Variants in GRID2 observed in about 807,000 individuals in gnomAD.
The protein encoded by GRID2 is glutamate receptor ionotropic, delta-2.
A neutral mutation model predicts 114.8 loss-of-function variants in GRID2; 33 were observed. The observed-to-expected ratio is 0.29, with a 90% CI of 0.22 to 0.38. GRID2 has a LOEUF of 0.38. GRID2 is among the 10% of genes least tolerant of loss of function. The pLI is 1.00. For missense variants in GRID2, 1,184 were observed against 1,257.7 expected (o/e 0.94, Z 0.89); for synonymous variants, 505 against 449.9 (o/e 1.12, Z -1.55).
chr4:93,748,256 A>AATGATCCATCTGAATTATATAT (rs1183003971), intron 14 of GRID2, among the ~76,000 whole-genome samples: 7 of 152,108 alleles, frequency 4.6e-5, no homozygotes, highest in Non-Finnish European at 1.0e-4. Flanking sequence ...GAACCTTGCA[A>AATGATCCATCTGAATTATATAT]ATGATCCATC....
At chr4:93,105,925 A>G (rs1434754473) in intron 3 of GRID2, among the ~76,000 whole-genome samples, 4 of 152,192 alleles carry the variant, frequency 2.6e-5, no homozygotes, top group African/African-American at 9.6e-5. Flanking sequence ...TGTGTAATCT[A>G]GTATATTCAC....
intron 2 of GRID2, among the ~76,000 whole-genome samples, chr4:92,789,777 C>A (rs1739491575): frequency 1.3e-5 from 2 of 151,936 alleles, no homozygotes; most frequent in South Asian, 4.1e-4. Flanking sequence ...GTTGGTATTT[C>A]TCTGCTGGTT....
intron 1 of GRID2, among the ~76,000 whole-genome samples, chr4:92,541,482 C>CTAA (rs1725948181): frequency 7.2e-6 from 1 of 139,000 alleles, no homozygotes; most frequent in South Asian, 2.4e-4. Context: ...TCTCAATTTT[C>CTAA]CAATAATAAT....
rs1017697657 is a variant in GRID2, at chr4:93,556,354, C to T, written c.2193+40943C>T. On this transcript the variant is annotated intron_variant, in intron 13 of 15. Coordinates refer to ENST00000282020, the MANE Select transcript of GRID2 (RefSeq NM_001510.4). ...TAACCCAATGCAAGGAAACTAAGAA[C>T]GTTGAGTAAACGTTAGAGGAATTGC... Among the ~76,000 whole-genome samples the T allele has an allele frequency of 3.9e-5, 6 of 152,244 alleles. No individual in the cohort carries two copies. In the South Asian group the frequency reaches 6.2e-4, roughly 16 times the overall value.
At chr4:92,372,341 A>G (rs1242663000) in intron 1 of GRID2, among the ~76,000 whole-genome samples, 3 of 152,178 alleles carry the variant, frequency 2.0e-5, no homozygotes, top group Non-Finnish European at 4.4e-5. Flanking sequence ...GGAAGTATCA[A>G]TTGATGTGGC....
intron 2 of GRID2, chr4:92,884,961 G>A (rs1746270511): frequency 3.2e-6 from 1 of 315,024 alleles, no homozygotes; most frequent in Non-Finnish European, 6.5e-6. Flanking sequence ...CATCTAAAAG[G>A]CAAAGTGTTT....
At chr4:93,324,082 A>G (rs1015413695) in intron 8 of GRID2, among the ~76,000 whole-genome samples, 9 of 152,260 alleles carry the variant, frequency 5.9e-5, no homozygotes, top group Admixed American at 5.9e-4. Context: ...TTCCAACACT[A>G]TGTTGAACAG....
At chr4:92,746,351 T>C (rs1457127711) in intron 2 of GRID2, among the ~76,000 whole-genome samples, 1 of 152,116 alleles carries the variant, frequency 6.6e-6, no homozygotes, top group Non-Finnish European at 1.5e-5. Context: ...ATTTTTAAAA[T>C]GCAAAGATTT....
intron 2 of GRID2, among the ~76,000 whole-genome samples, chr4:92,763,396 G>C (rs867520964): frequency 6.6e-6 from 1 of 152,090 alleles, no homozygotes; most frequent in Non-Finnish European, 1.5e-5. Context: ...CATATCCCCA[G>C]GTTCTGCATC....
At chr4:92,704,340 T>C (rs1387989039) in intron 2 of GRID2, among the ~76,000 whole-genome samples, 2 of 152,148 alleles carry the variant, frequency 1.3e-5, no homozygotes. Flanking sequence ...TAAGGAAGAA[T>C]TTGGTATTGA....
intron 2 of GRID2, among the ~76,000 whole-genome samples, chr4:92,714,264 C>T (rs1476466063): frequency 6.6e-6 from 1 of 152,188 alleles, no homozygotes; most frequent in Non-Finnish European, 1.5e-5. Flanking sequence ...TGTCTCACAT[C>T]CAGGTCACGC....
chr4:93,317,492 C>T (rs1000115650), intron 8 of GRID2, among the ~76,000 whole-genome samples: 2 of 151,930 alleles, frequency 1.3e-5, no homozygotes, highest in Non-Finnish European at 2.9e-5. Flanking sequence ...TAGAAGAGAA[C>T]GTTATGATTT....
At chr4:93,533,515 A>G (rs888407471) in intron 13 of GRID2, among the ~76,000 whole-genome samples, 2 of 148,258 alleles carry the variant, frequency 1.3e-5, no homozygotes, top group African/African-American at 5.0e-5. Flanking sequence ...CTGGGACTAC[A>G]GGAGCATGCC....
intron 1 of GRID2, among the ~76,000 whole-genome samples, chr4:92,330,621 ATCT>A (rs1350302095): frequency 3.9e-5 from 6 of 152,154 alleles, no homozygotes; most frequent in Non-Finnish European, 7.4e-5. Flanking sequence ...TCCAAAAAGA[ATCT>A]TCTTGTGGTT....
At chr4:93,085,646 T>G (rs1419304143) in intron 3 of GRID2, among the ~76,000 whole-genome samples, 1 of 152,150 alleles carries the variant, frequency 6.6e-6, no homozygotes, top group African/African-American at 2.4e-5. Context: ...ATGCAGAAGA[T>G]CATATTGGAT....
At chr4:92,472,820 C>T (rs1722108950) in intron 1 of GRID2, among the ~76,000 whole-genome samples, 3 of 152,082 alleles carry the variant, frequency 2.0e-5, no homozygotes, top group Admixed American at 2.0e-4. Context: ...GCTCTGGAAA[C>T]AATCCTGTTG....
rs562508027 is a variant in GRID2, at chr4:92,454,720, C to G, written c.89-135411C>G. 5.3e-5 allele frequency among the ~76,000 whole-genome samples: 8 copies of G among 152,316 alleles called. 1 individual carries two copies. In the South Asian group the frequency reaches 1.7e-3, roughly 32 times the overall value. ...GCGTGTTGGCAGGCGCCTGTAGTCC[C>G]AGCTATTCTGGAGGCTGAGGCAGGA... is the stretch of plus-strand genomic sequence containing the variant. On this transcript the variant is annotated intron_variant, in intron 1 of 15. Transcript: ENST00000282020.
chr4:92,938,416 A>G (rs1259774488), intron 2 of GRID2, among the ~76,000 whole-genome samples: 3 of 146,514 alleles, frequency 2.0e-5, no homozygotes, highest in Non-Finnish European at 4.5e-5. Context: ...TTCCCTGATA[A>G]TTATTTTTCA....
intron 14 of GRID2, among the ~76,000 whole-genome samples, chr4:93,756,897 G>C (rs1417057799): frequency 4.6e-5 from 7 of 152,184 alleles, no homozygotes; most frequent in African/African-American, 1.7e-4. Flanking sequence ...TCAAGGAGTT[G>C]ATAGCCTGAT....
Sources: gnomAD v4.1 joint callset for allele counts (sites outside exome capture counted in the v4.1 genomes callset) on GRCh38, gnomAD v4.1.1 for gene constraint, MANE v1.5 for transcripts, NCBI Gene and HGNC (gene_info 2026-07-23, HGNC 2026-07-21) for gene names.